AFF1: variants seen among roughly 807,000 people sequenced by gnomAD.
The protein encoded by AFF1 is ALF transcription elongation factor 1.
AFF1 carries 48 observed loss-of-function variants against 121.7 expected under a neutral mutation model. The observed-to-expected ratio is 0.39, with a 90% CI of 0.31 to 0.50. AFF1 has a LOEUF of 0.50. Ranked by LOEUF, AFF1 falls within the 20% of genes least tolerant of loss-of-function variation. AFF1 has a pLI of 0.76. For synonymous variants in AFF1, 613 were observed against 563.0 expected, an observed-to-expected ratio of 1.09 and a Z score of -1.26; for missense variants, 1,523 against 1,511.7, an observed-to-expected ratio of 1.01 and a Z score of -0.12.
At chr4:86,995,469 G>T (rs933504650) in intron 2 of AFF1, among the ~76,000 whole-genome samples, 2 of 151,538 alleles carry the variant, frequency 1.3e-5, no homozygotes, top group East Asian at 1.9e-4. Flanking sequence ...GCGCCGCCAC[G>T]CCTGACTGGT....
rs777958030 is a variant in AFF1, at chr4:87,132,433, A to G, written c.3311+25A>G. ...GGTAACTCTAAGTCTAATATAAATA[A>G]TTTCCAGAATTGAGTCATTTCTTTA... On this transcript the variant is annotated intron_variant, in intron 19 of 20. Transcript: ENST00000395146. The G allele has an allele frequency of 4.9e-5, 77 of 1,568,592 alleles. 1 individual carries two copies. The Admixed American group carries it at 5.4e-4, about 11-fold the overall frequency.
chr4:87,069,896 C>T (rs1408732829), intron 4 of AFF1, among the ~76,000 whole-genome samples: 1 of 147,808 alleles, frequency 6.8e-6, no homozygotes, highest in African/African-American at 2.5e-5. Context: ...CAGCTCACTG[C>T]AACCTTTTCC....
In AFF1 at chr4:86,985,150, T is replaced by G. The variant is rs1724105296; in HGVS notation, c.38+36579T>G. On this transcript the variant is annotated intron_variant, in intron 2 of 20. Transcript: ENST00000395146. ...ATAATATATATAATTATGCATAATA[T>G]ATAAAAATATAATATATATAATATG... Among the ~76,000 whole-genome samples the G allele has an allele frequency of 9.9e-5, 3 of 30,170 alleles. No individual in the cohort carries two copies. In the South Asian group the frequency reaches 4.8e-3, roughly 49 times the overall value. 19.8% of individuals were successfully genotyped at this position (30,170 alleles called of 152,430 possible).
intron 5 of AFF1, 39 bp downstream of exon 5, chr4:87,084,203 T>G (rs1485041816): frequency 1.3e-6 from 2 of 1,596,136 alleles, no homozygotes; most frequent in South Asian, 2.2e-5. Flanking sequence ...GAAGAAATAT[T>G]TAAGTAGGTA....
At position 86,948,538 on chromosome 4, in the gene AFF1, C is replaced by A; in HGVS notation, c.5C>A (p.Ala2Glu). 6.5e-7 allele frequency: 1 copy of A among 1,536,826 alleles called. No homozygotes were observed. Reference protein sequence around the residue: MAFTERVNSSGN... With the variant: MEFTERVNSSGN... ...ACTTTGCATTGACTGGAAACAATGG[C>A]ATTTACAGAAAGAGTCAACAGCAGT... The change falls in exon 2 of 21, where the codon GCA becomes GAA. Residue 2 changes from alanine to glutamate, a missense_variant. Coordinates refer to ENST00000395146, the MANE Select transcript of AFF1 (RefSeq NM_001166693.3).
chr4:87,115,097 T>C lies in AFF1; in HGVS notation c.2264T>C (p.Leu755Pro). 1.2e-6 allele frequency: 2 copies of C among 1,614,058 alleles called. No individual in the cohort carries two copies. Among genetic ancestry groups the C allele is most frequent in the Non-Finnish European group, 1.7e-6 (2 of 1,180,006 alleles). Residue 755 changes from leucine to proline, a missense_variant, in exon 12 of 21, where the codon CTG becomes CCG. Coordinates refer to ENST00000395146, the MANE Select transcript of AFF1 (RefSeq NM_001166693.3). Reference protein sequence around the residue: ...RLPLPLRDTKLLSPLRDTPPP... With the variant: ...RLPLPLRDTKPLSPLRDTPPP... ...CCATTGCCTTTGAGAGACACCAAGC[T>C]GCTCTCACCGCTCAGGGACACTCCT...
intron 2 of AFF1, chr4:87,006,880 G>C: frequency 1.1e-6 from 1 of 882,068 alleles, no homozygotes; most frequent in Non-Finnish European, 1.4e-6. Flanking sequence ...CCTGCCTTTG[G>C]CTAGGGCCGC....
intron 10 of AFF1, 115 bp downstream of exon 10, chr4:87,105,960 G>T (rs893249883): frequency 7.6e-7 from 1 of 1,317,346 alleles, no homozygotes. Context: ...GGAGCTGAAG[G>T]ATCACAGTAA....
At chr4:87,091,889 A>C in intron 7 of AFF1, 60 bp downstream of exon 7, 1 of 1,267,390 alleles carries the variant, frequency 7.9e-7, no homozygotes, top group Non-Finnish European at 1.1e-6. Flanking sequence ...TTACTGTTTA[A>C]CGTAAAAACA....
At position 87,105,619 on chromosome 4, in the gene AFF1, C is replaced by G; in HGVS notation, c.1284-9C>G. 1 of 1,614,096 alleles carries G rather than the reference C, an allele frequency of 6.2e-7. No homozygotes were observed. The highest frequency in any genetic ancestry group is 1.1e-5 in the South Asian group (1 of 91,072). On this transcript the variant is annotated splice_polypyrimidine_tract_variant and intron_variant, in intron 8 of 20. Coordinates refer to ENST00000395146, the MANE Select transcript of AFF1 (RefSeq NM_001166693.3). ...CATTCATTCTTCTCTGTGTCCCTGC[C>G]CATTCCAGCATGCTCGAAGACGACC...
chr4:87,140,750 C>T lies in AFF1; in HGVS notation c.*5049C>T, dbSNP rs551202556. On this transcript the variant is annotated 3_prime_UTR_variant, in exon 21 of 21. Transcript: ENST00000395146. ...TTAAGGGGAACTCCATGTATTTTAC[C>T]TACTTCAGCAATGGAACTGCAACTT... 18 of 190,438 alleles carry T rather than the reference C, an allele frequency of 9.5e-5. No individual in the cohort carries two copies. The East Asian group carries it at 1.4e-3, about 15-fold the overall frequency. The allele number at this position is 190,438 out of a possible 1,614,324, so 11.8% of individuals were successfully genotyped here.
chr4:87,049,593 C>T (rs542817454), intron 4 of AFF1: 27 of 429,282 alleles, frequency 6.3e-5, no homozygotes, highest in Middle Eastern at 3.4e-4. Context: ...TTTTTGGCAC[C>T]AGTGCATCTG....
intron 4 of AFF1, among the ~76,000 whole-genome samples, chr4:87,055,543 A>G (rs1372256101): frequency 2.0e-5 from 3 of 152,152 alleles, no homozygotes; most frequent in Non-Finnish European, 2.9e-5. Context: ...GCCTTTGCCA[A>G]GATATAGACA....
chr4:87,098,700 C>T (rs529514228), intron 8 of AFF1, among the ~76,000 whole-genome samples: 22 of 152,310 alleles, frequency 1.4e-4, no homozygotes, highest in African/African-American at 4.3e-4. Flanking sequence ...TTTTTGGCCT[C>T]TGAAATCAAC....
At chr4:86,980,098 A>G (rs780390321) in intron 2 of AFF1, among the ~76,000 whole-genome samples, 6 of 152,080 alleles carry the variant, frequency 3.9e-5, no homozygotes, top group Non-Finnish European at 7.4e-5. Context: ...TTTAGTAGAG[A>G]TGGGGTTTTA....
At chr4:87,049,888 G>A in intron 4 of AFF1, 1 of 367,628 alleles carries the variant, frequency 2.7e-6, no homozygotes, top group Non-Finnish European at 5.4e-6. Context: ...GGGGATCTTG[G>A]TGCTCCCTGG....
intron 8 of AFF1, among the ~76,000 whole-genome samples, chr4:87,096,484 A>G (rs1192999921): frequency 6.9e-6 from 1 of 144,674 alleles, no homozygotes; most frequent in African/African-American, 2.6e-5. Context: ...CTCCTGCCTC[A>G]GCCTCCCAAA....
chr4:87,024,061 C>A, intron 2 of AFF1, among the ~76,000 whole-genome samples: 1 of 152,144 alleles, frequency 6.6e-6, no homozygotes, highest in Non-Finnish European at 1.5e-5. Flanking sequence ...GATCTCTGAA[C>A]CAGGAACTTT....
chr4:87,108,341 C>T, intron 11 of AFF1, 26 bp downstream of exon 11: 1 of 1,606,764 alleles, frequency 6.2e-7, no homozygotes, highest in Non-Finnish European at 8.5e-7. Flanking sequence ...TCGAGATGGC[C>T]ACCTTAGATG....
Sources: allele counts gnomAD v4.1 joint callset (sites outside exome capture counted in the v4.1 genomes callset), GRCh38; gene constraint gnomAD v4.1.1; transcripts MANE v1.5; gene names NCBI Gene and HGNC (gene_info 2026-07-23, HGNC 2026-07-21).